Variants in TRPC4 observed in about 807,000 individuals in gnomAD.
The protein encoded by TRPC4 is transient receptor potential cation channel subfamily C member 4.
A neutral mutation model predicts 99.4 loss-of-function variants in TRPC4; 49 were observed. That is an observed-to-expected ratio of 0.49 (90% CI 0.39 to 0.63). The LOEUF (loss-of-function observed/expected upper bound fraction) is 0.63. TRPC4 is among the 20% of genes least tolerant of loss of function. The probability of loss-of-function intolerance (pLI) is 0.00; values close to 1 mark genes in which losing one functional copy is unlikely to be tolerated. For missense variants in TRPC4, 898 were observed against 1,152.9 expected (o/e 0.78, Z 3.20); for synonymous variants, 454 against 425.9 (o/e 1.07, Z -0.81).
rs555619354 is a variant in TRPC4, at chr13:37,672,060, A to G, written c.1374+2168T>C. Among the ~76,000 whole-genome samples the G allele has an allele frequency of 7.9e-5, 12 of 152,294 alleles. No homozygotes were observed. In the South Asian group the frequency reaches 1.9e-3, roughly 24 times the overall value. ...GTGAGTTTAATTCTAAACATGAAGA[A>G]CAATGTTTAGATTTTAATGGTAAAA... On this transcript the variant is annotated intron_variant, in intron 5 of 10. Coordinates refer to ENST00000379705, the MANE Select transcript of TRPC4 (RefSeq NM_016179.4).
At chr13:37,800,378 A>G (rs74781684) in intron 1 of TRPC4, among the ~76,000 whole-genome samples, 2,476 of 152,240 alleles carry the variant, frequency 0.016, 35 homozygotes, top group Middle Eastern at 0.044. Context: ...TGACGGTTTT[A>G]TTGTTAATGC....
chr13:37,653,587 T>C (rs549161794), intron 7 of TRPC4, among the ~76,000 whole-genome samples: 2 of 152,292 alleles, frequency 1.3e-5, no homozygotes, highest in South Asian at 2.1e-4. Context: ...TCTCAGGTTC[T>C]CAGTGACTCT....
chr13:37,804,345 G>A (rs890921025), intron 1 of TRPC4, among the ~76,000 whole-genome samples: 2 of 152,076 alleles, frequency 1.3e-5, no homozygotes, highest in Non-Finnish European at 2.9e-5. Flanking sequence ...TTTTCCTGAA[G>A]TCAGACAACT....
At chr13:37,788,686 C>T in intron 1 of TRPC4, among the ~76,000 whole-genome samples, 1 of 152,016 alleles carries the variant, frequency 6.6e-6, no homozygotes, top group East Asian at 1.9e-4. Flanking sequence ...GCTTGTGGCT[C>T]TTTCCTTTAT....
intron 1 of TRPC4, among the ~76,000 whole-genome samples, chr13:37,787,954 C>T (rs1957013095): frequency 6.6e-6 from 1 of 151,988 alleles, no homozygotes; most frequent in Non-Finnish European, 1.5e-5. Context: ...ATTTTTAAAA[C>T]ACACATATCG....
At chr13:37,714,493 C>G (rs947905348) in intron 3 of TRPC4, among the ~76,000 whole-genome samples, 12 of 152,194 alleles carry the variant, frequency 7.9e-5, no homozygotes, top group African/African-American at 2.9e-4. Flanking sequence ...CTAAACTGAT[C>G]TTTTCAAAAT....
chr13:37,700,059 T>C (rs1954055595), intron 3 of TRPC4, among the ~76,000 whole-genome samples: 1 of 152,174 alleles, frequency 6.6e-6, no homozygotes, highest in African/African-American at 2.4e-5. Context: ...ATGTTCGTTC[T>C]TTGAAAATCA....
chr13:37,721,500 T>C (rs764841593), intron 3 of TRPC4, among the ~76,000 whole-genome samples: 62 of 152,120 alleles, frequency 4.1e-4, no homozygotes, highest in Non-Finnish European at 7.5e-4. Context: ...TTTCTACCCA[T>C]TGCTCTTGGC....
intron 3 of TRPC4, among the ~76,000 whole-genome samples, chr13:37,692,597 A>G (rs527816104): frequency 6.6e-6 from 1 of 152,342 alleles, no homozygotes; most frequent in Non-Finnish European, 1.5e-5. Flanking sequence ...AGGAAGCAAA[A>G]ATAGAACTGG....
chr13:37,668,403 A>G (rs1019124996), intron 5 of TRPC4, among the ~76,000 whole-genome samples: 7 of 152,198 alleles, frequency 4.6e-5, no homozygotes, highest in Admixed American at 2.0e-4. Context: ...TGCTTTATAT[A>G]TGATAGGAAC....
intron 6 of TRPC4, among the ~76,000 whole-genome samples, chr13:37,662,795 A>G (rs1952489748): frequency 6.6e-6 from 1 of 152,202 alleles, no homozygotes; most frequent in Admixed American, 6.5e-5. Flanking sequence ...GTGCCCATGA[A>G]GCTGTGTGCT....
intron 1 of TRPC4, among the ~76,000 whole-genome samples, chr13:37,822,412 C>T (rs1404410586): frequency 6.6e-6 from 1 of 151,866 alleles, no homozygotes; most frequent in Non-Finnish European, 1.5e-5. Flanking sequence ...TCTCCTAATG[C>T]TATCCCTCCC....
rs569939562 is a variant in TRPC4, at chr13:37,815,077, G to GA, written c.-27-31718dup. Among the ~76,000 whole-genome samples the GA allele has an allele frequency of 4.6e-5, 7 of 151,382 alleles. 1 individual carries two copies. The South Asian group carries it at 1.5e-3, about 31-fold the overall frequency. ...CAAAGGTGTCAAGAAAAATTTAATG[G>GA]AAAAAAGATCTTTCAATAAACAGTG... On this transcript the variant is annotated intron_variant, in intron 1 of 10. Transcript: ENST00000379705.
intron 4 of TRPC4, among the ~76,000 whole-genome samples, chr13:37,687,870 T>C (rs1206160608): frequency 6.6e-6 from 1 of 152,210 alleles, no homozygotes; most frequent in Non-Finnish European, 1.5e-5. Flanking sequence ...ACTGTTTTAC[T>C]TTTTACTCTA....
chr13:37,815,911 A>G (rs1216332230), intron 1 of TRPC4, among the ~76,000 whole-genome samples: 1 of 151,950 alleles, frequency 6.6e-6, no homozygotes, highest in East Asian at 1.9e-4. Flanking sequence ...ATCATACCAA[A>G]CACACTCTCA....
chr13:37,861,009 G>A (rs983714577), intron 1 of TRPC4, among the ~76,000 whole-genome samples: 5 of 151,506 alleles, frequency 3.3e-5, no homozygotes, highest in Middle Eastern at 3.2e-3. Flanking sequence ...TATGAGTAGA[G>A]TCTCATTAAT....
chr13:37,850,567 T>C (rs1015456031), intron 1 of TRPC4, among the ~76,000 whole-genome samples: 3 of 152,174 alleles, frequency 2.0e-5, no homozygotes, highest in African/African-American at 4.8e-5. Context: ...ATATCTCTAC[T>C]GTGCCATAAG....
At chr13:37,685,886 T>G (rs1953455940) in intron 4 of TRPC4, among the ~76,000 whole-genome samples, 1 of 151,734 alleles carries the variant, frequency 6.6e-6, no homozygotes, top group African/African-American at 2.4e-5. Context: ...ACTGCATTAG[T>G]CTTTATAATT....
At chr13:37,670,530 G>T (rs1952804320) in intron 5 of TRPC4, among the ~76,000 whole-genome samples, 1 of 152,090 alleles carries the variant, frequency 6.6e-6, no homozygotes, top group African/African-American at 2.4e-5. Context: ...TTACTACGGA[G>T]AATTATTAGC....
Sources: gnomAD v4.1 joint callset for allele counts (sites outside exome capture counted in the v4.1 genomes callset) on GRCh38, gnomAD v4.1.1 for gene constraint, MANE v1.5 for transcripts, NCBI Gene and HGNC (gene_info 2026-07-23, HGNC 2026-07-21) for gene names.